ADGRF3: variants seen among roughly 807,000 people sequenced by gnomAD.
ADGRF3 encodes G protein-coupled receptor 113.
ADGRF3 carries 85 observed loss-of-function variants against 93.2 expected under a neutral mutation model. That is an observed-to-expected ratio of 0.91 (90% CI 0.77 to 1.09). ADGRF3 has a LOEUF of 1.09. Ranked by LOEUF, ADGRF3 falls within the 50% of genes least tolerant of loss-of-function variation. ADGRF3 has a pLI of 0.00. For synonymous variants in ADGRF3, 534 were observed against 532.5 expected, an observed-to-expected ratio of 1.00 and a Z score of -0.04; for missense variants, 1,125 against 1,246.2, an observed-to-expected ratio of 0.90 and a Z score of 1.46.
intron 9 of ADGRF3, among the ~76,000 whole-genome samples, chr2:26,312,473 C>T (rs1254367597): frequency 1.3e-5 from 2 of 152,222 alleles, no homozygotes; most frequent in African/African-American, 4.8e-5. Context: ...GACGGCCACA[C>T]GCATGTCTGT....
At chr2:26,336,706 A>G (rs539901587) in intron 1 of ADGRF3, among the ~76,000 whole-genome samples, 1 of 115,956 alleles carries the variant, frequency 8.6e-6, no homozygotes, top group African/African-American at 3.4e-5. Context: ...AACCTTGGTG[A>G]CAGAGTGAGA....
chr2:26,311,562 G>A lies in ADGRF3; in HGVS notation c.1962C>T (p.Leu654=), dbSNP rs1674137124. ...SPHCVFWDHS[L]FQGRGGWSKE... is the part of the protein sequence containing the mutation. ...TGGACCAACCCCCCCTGCCCTGGAA[G>A]AGACTGTGATCCCAGAAGACACAGT... The change falls in exon 10 of 14, where the codon CTC becomes CTT. Residue 654 remains leucine, a synonymous_variant. Transcript: ENST00000651242. The A allele has an allele frequency of 1.9e-6, 3 of 1,613,980 alleles. No individual in the cohort carries two copies. The highest frequency in any genetic ancestry group is 2.7e-5 in the African/African-American group (2 of 75,058).
intron 1 of ADGRF3, among the ~76,000 whole-genome samples, chr2:26,341,929 C>T (rs1450959099): frequency 1.3e-5 from 2 of 151,790 alleles, no homozygotes; most frequent in Admixed American, 6.6e-5. Context: ...AAAAATTAGC[C>T]GGGCATGGTG....
intron 1 of ADGRF3, among the ~76,000 whole-genome samples, chr2:26,339,149 A>C (rs560549040): frequency 5.1e-4 from 77 of 150,834 alleles, no homozygotes; most frequent in Middle Eastern, 3.5e-3. Flanking sequence ...CAAAGCAAAG[A>C]AAAGAAAGAA....
chr2:26,339,293 C>G (rs1676238092), intron 1 of ADGRF3, among the ~76,000 whole-genome samples: 1 of 151,900 alleles, frequency 6.6e-6, no homozygotes, highest in Admixed American at 6.6e-5. Context: ...GTCAGGAGTT[C>G]GAGACCAGCT....
chr2:26,312,894 T>C, intron 9 of ADGRF3, 49 bp downstream of exon 9: 4 of 1,526,852 alleles, frequency 2.6e-6, no homozygotes, highest in Non-Finnish European at 3.5e-6. Context: ...TGGGGAGTCT[T>C]CAGCCCCCGA....
At position 26,313,787 on chromosome 2, in the gene ADGRF3, C is replaced by G; in HGVS notation, c.1045G>C (p.Val349Leu). Residue 349 changes from valine (V) to leucine (L), a missense_variant, in exon 7 of 14, where the codon GTC becomes CTC. Physicochemically the swap from Val to Leu is conservative, Grantham distance 32. Coordinates refer to ENST00000651242, the MANE Select transcript of ADGRF3 (RefSeq NM_001321971.2). ...LQSLGLAPLRVPISITIIQDG... is the reference protein window; with the variant it reads ...LQSLGLAPLRLPISITIIQDG... ...TGGATGATGGTGATGGAGATGGGGA[C>G]CCTGAGTGGAGCCAGGCCCAGGCTC... 1 of 1,614,008 alleles carries G rather than the reference C, an allele frequency of 6.2e-7. No homozygotes were observed. Among genetic ancestry groups the G allele is most frequent in the East Asian group, 2.2e-5 (1 of 44,876 alleles).
At chr2:26,312,876 C>A in intron 9 of ADGRF3, 67 bp downstream of exon 9, 2 of 1,446,300 alleles carry the variant, frequency 1.4e-6, no homozygotes, top group South Asian at 1.3e-5. Context: ...GACAGAAATG[C>A]CCACAGGTGG....
At position 26,314,381 on chromosome 2, in the gene ADGRF3, C is replaced by T. The variant is rs1305104079; in HGVS notation, c.928+33G>A. The stretch of plus-strand genomic sequence containing the variant: ...GGAAGAGACAGCTGCCCCCTGGTCC[C>T]TCTGACCCCTGACTGCTGGCCCCTT... On this transcript the variant is annotated intron_variant, in intron 6 of 13. Transcript: ENST00000651242. The T allele has an allele frequency of 3.1e-6, 5 of 1,590,472 alleles. No individual in the cohort carries two copies. The African/African-American group carries it at 6.7e-5, about 21-fold the overall frequency.
At chr2:26,312,182 C>T (rs77295721) in intron 9 of ADGRF3, 108 bp from the exon 10 acceptor site, 16,509 of 1,111,870 alleles carry the variant, frequency 0.015, 324 homozygotes, top group African/African-American at 0.08. Context: ...GTCCAGTGTG[C>T]GACCCAAGGT....
At chr2:26,346,011 C>T (rs1676711877) in intron 1 of ADGRF3, 110 bp downstream of exon 1, 15 of 1,152,570 alleles carry the variant, frequency 1.3e-5, no homozygotes, top group South Asian at 1.2e-4. Flanking sequence ...GGGCTAGCAA[C>T]CCCCCCTCGA....
At chr2:26,334,046 G>T (rs1675909154) in intron 1 of ADGRF3, among the ~76,000 whole-genome samples, 1 of 150,896 alleles carries the variant, frequency 6.6e-6, no homozygotes, top group African/African-American at 2.4e-5. Context: ...GGCTGGTCTC[G>T]AACTCCTGAC....
At chr2:26,313,161 G>A in intron 8 of ADGRF3, 39 bp from the exon 9 acceptor site, 1 of 1,608,916 alleles carries the variant, frequency 6.2e-7, no homozygotes, top group Middle Eastern at 1.7e-4. Flanking sequence ...GACACATGGT[G>A]GAATGATGGT....
chr2:26,313,125 G>C lies in ADGRF3; in HGVS notation c.1270-3C>G. The C allele has an allele frequency of 6.2e-7, 1 of 1,613,534 alleles. No homozygotes were observed. The highest frequency in any genetic ancestry group is 1.1e-5 in the South Asian group (1 of 91,074). ...CTGCCCTGGCCTGCCTGCAGCAGCT[G>C]AGACAGACGAGACAGCATGAAGTGG... On this transcript the variant is annotated splice_polypyrimidine_tract_variant and splice_region_variant and intron_variant, in intron 8 of 13. Transcript: ENST00000651242.
intron 1 of ADGRF3, among the ~76,000 whole-genome samples, chr2:26,326,259 C>T (rs11689086): frequency 0.29 from 44,015 of 152,042 alleles, 7,285 homozygotes; most frequent in Middle Eastern, 0.4. Context: ...CTTCAAAAGA[C>T]GGGGCACCCA....
Position 26,316,339 on chromosome 2 carries a change from G to C in ADGRF3, c.435C>G (p.His145Gln). ...TGAAGACAAGGCAGCCACAAGGCTG[G>C]TGGTTGTGGAGGCTTTGACAAGGAG... ...HYPPCQSLHNHQPCGCLVFSH... is the reference protein window; with the variant it reads ...HYPPCQSLHNQQPCGCLVFSH... Residue 145 changes from histidine to glutamine, a missense_variant, in exon 4 of 14, where the codon CAC (histidine) becomes CAG (glutamine). Transcript: ENST00000651242. 1 of 1,552,002 alleles carries C rather than the reference G, an allele frequency of 6.4e-7. No individual in the cohort carries two copies. The highest frequency in any genetic ancestry group is 2.0e-5 in the Admixed American group (1 of 51,010).
At chr2:26,342,020 C>T (rs1374673716) in intron 1 of ADGRF3, among the ~76,000 whole-genome samples, 2 of 151,182 alleles carry the variant, frequency 1.3e-5, no homozygotes, top group Non-Finnish European at 2.9e-5. Flanking sequence ...TTGCAGTGAG[C>T]TGATATTGCG....
chr2:26,323,245 G>A (rs913203561), intron 1 of ADGRF3, among the ~76,000 whole-genome samples: 9 of 152,168 alleles, frequency 5.9e-5, no homozygotes, highest in Non-Finnish European at 1.3e-4. Context: ...TCAGGTCTTA[G>A]GCAAAGTGGA....
intron 1 of ADGRF3, 26 bp from the exon 2 acceptor site, chr2:26,317,588 C>A (rs1479332170): frequency 1.3e-6 from 2 of 1,556,274 alleles, no homozygotes; most frequent in Non-Finnish European, 1.7e-6. Flanking sequence ...GAGGGGAGAC[C>A]TCAAGTCCCT....
Sources: allele counts gnomAD v4.1 joint callset (sites outside exome capture counted in the v4.1 genomes callset), GRCh38; gene constraint gnomAD v4.1.1; transcripts MANE v1.5; gene names NCBI Gene and HGNC (gene_info 2026-07-23, HGNC 2026-07-21).